The following PCDHGA1 variants were observed in gnomAD, a reference collection of about 807,000 sequenced individuals.
PCDHGA1 encodes protocadherin gamma-A1.
PCDHGA1 carries 32 observed loss-of-function variants against 58.0 expected under a neutral mutation model. The ratio of observed to expected loss-of-function variants is 0.55; its 90% CI spans 0.42 to 0.74. The LOEUF is 0.74. Ranked by LOEUF, PCDHGA1 falls within the 30% of genes least tolerant of loss-of-function variation. The pLI is 0.00. For synonymous variants in PCDHGA1, 498 were observed against 501.1 expected (o/e 0.99, Z 0.08); for missense variants, 1,205 against 1,182.3 (o/e 1.02, Z -0.28).
intron 1 of PCDHGA1, chr5:141,366,565 G>T: frequency 1.2e-6 from 2 of 1,614,252 alleles, no homozygotes; most frequent in Non-Finnish European, 1.7e-6. Context: ...GCGTGGATGG[G>T]GTTCGGGCTT....
chr5:141,407,473 G>A (rs753514459), intron 1 of PCDHGA1, among the ~76,000 whole-genome samples: 4 of 145,182 alleles, frequency 2.8e-5, no homozygotes, highest in Non-Finnish European at 4.6e-5. Context: ...ATGACTGAAT[G>A]GAGTATGGAA....
intron 1 of PCDHGA1, among the ~76,000 whole-genome samples, chr5:141,463,460 T>TTTC (rs1554144872): frequency 7.4e-6 from 1 of 136,038 alleles, no homozygotes; most frequent in South Asian, 2.5e-4. Context: ...TTTTTTTTTT[T>TTTC]TTTTTTGAGA....
intron 1 of PCDHGA1, chr5:141,383,762 T>G (rs777698869): frequency 4.3e-6 from 7 of 1,613,846 alleles, no homozygotes; most frequent in Non-Finnish European, 5.9e-6. Context: ...ACTCCTAAAC[T>G]TCCAAAGATG....
chr5:141,381,798 C>CTCTTTCTT (rs372235829), intron 1 of PCDHGA1, among the ~76,000 whole-genome samples: 5 of 144,132 alleles, frequency 3.5e-5, no homozygotes, highest in African/African-American at 8.0e-5. Context: ...AGGCAATTCC[C>CTCTTTCTT]TCTTTCTTTC....
At chr5:141,416,217 G>A (rs1224952837) in intron 1 of PCDHGA1, 1 of 152,288 alleles carries the variant, frequency 6.6e-6, no homozygotes, top group Non-Finnish European at 1.5e-5. Flanking sequence ...AACAATGTAT[G>A]CTTAGATTTT....
intron 1 of PCDHGA1, among the ~76,000 whole-genome samples, chr5:141,448,476 G>A (rs1002358317): frequency 1.3e-5 from 2 of 151,976 alleles, no homozygotes; most frequent in African/African-American, 4.8e-5. Flanking sequence ...TTCCACCCTT[G>A]CTTCCTCCTG....
At chr5:141,346,295 C>A in intron 1 of PCDHGA1, 6 of 1,614,214 alleles carry the variant, frequency 3.7e-6, no homozygotes, top group Non-Finnish European at 5.1e-6. Flanking sequence ...AGACCTATTC[C>A]CACGAGGTCT....
intron 1 of PCDHGA1, chr5:141,409,191 A>G: frequency 1.2e-6 from 2 of 1,613,970 alleles, no homozygotes; most frequent in African/African-American, 2.7e-5. Flanking sequence ...CTCTCTACCC[A>G]GTGTAAAGTA....
chr5:141,407,618 T>C (rs2094961239), intron 1 of PCDHGA1, among the ~76,000 whole-genome samples: 1 of 152,204 alleles, frequency 6.6e-6, no homozygotes, highest in South Asian at 2.1e-4. Context: ...TTGGTTGACA[T>C]TCTATATCTC....
In PCDHGA1 at chr5:141,346,554, G is replaced by A. The variant is rs773661816; in HGVS notation, c.2421+13449G>A. On this transcript the variant is annotated intron_variant, in intron 1 of 3. Coordinates refer to ENST00000517417, the MANE Select transcript of PCDHGA1 (RefSeq NM_018912.3). ...ATGTATTTGAGAAATAAAGCCATGA[G>A]GTTGTCATTAGTCCTTTGACTAAAT... is the stretch of plus-strand genomic sequence containing the variant. The A allele has an allele frequency of 5.3e-6, 8 of 1,507,182 alleles. No individual in the cohort carries two copies. In the Admixed American group the frequency reaches 8.2e-5, roughly 15 times the overall value. The allele number at this position is 1,507,182 out of a possible 1,614,324, so 93.4% of individuals were successfully genotyped here.
At chr5:141,481,560 G>A (rs1594155886) in intron 1 of PCDHGA1, among the ~76,000 whole-genome samples, 1 of 152,212 alleles carries the variant, frequency 6.6e-6, no homozygotes, top group Non-Finnish European at 1.5e-5. Flanking sequence ...GCTCACGCCT[G>A]TAATCCCAGT....
At chr5:141,376,554 C>A in intron 1 of PCDHGA1, 1 of 1,611,072 alleles carries the variant, frequency 6.2e-7, no homozygotes, top group Non-Finnish European at 8.5e-7. Flanking sequence ...GATCTTCCCG[C>A]AACCCAACTA....
rs1210499024 is a variant in PCDHGA1 at position 141,431,784 on chromosome 5, A to T, written c.2422-63023A>T. ...CTGATCACTGTTCTGGACGTGAACG[A>T]CAATGCCCCAGAAGTGGTCCTCACC... On this transcript the variant is annotated intron_variant, in intron 1 of 3. Transcript: ENST00000517417. This position sits in a 1 kb window ranked among gnomAD's most constrained non-coding sequence, Gnocchi z 4.8. The T allele has an allele frequency of 6.2e-7, 1 of 1,614,102 alleles. No homozygotes were observed. The highest frequency in any genetic ancestry group is 8.5e-7 in the Non-Finnish European group (1 of 1,180,030).
At chr5:141,421,662 G>A (rs2096591243) in intron 1 of PCDHGA1, 3 of 1,613,844 alleles carry the variant, frequency 1.9e-6, no homozygotes, top group South Asian at 1.1e-5. Context: ...AAGTCAGTGA[G>A]CACGCAATTC....
intron 1 of PCDHGA1, chr5:141,374,852 G>A (rs1770895051): frequency 5.0e-6 from 8 of 1,613,798 alleles, no homozygotes; most frequent in Non-Finnish European, 4.2e-6. Flanking sequence ...AAACCTGCCA[G>A]TAGGCACACC....
intron 1 of PCDHGA1, chr5:141,351,320 G>A (rs1172798095): frequency 6.2e-7 from 1 of 1,613,836 alleles, no homozygotes. Context: ...CCAGATTCCA[G>A]AGGATTCAGA....
chr5:141,335,954 TAGG>T (rs1219579468), intron 1 of PCDHGA1, among the ~76,000 whole-genome samples: 1 of 152,088 alleles, frequency 6.6e-6, no homozygotes, highest in Non-Finnish European at 1.5e-5. Context: ...TAAAACTAAT[TAGG>T]AGTAAGTTTA....
At position 141,476,943 on chromosome 5, in the gene PCDHGA1, A is replaced by G. The variant is rs538990482; in HGVS notation, c.2422-17864A>G. On this transcript the variant is annotated intron_variant, in intron 1 of 3. Coordinates refer to ENST00000517417, the MANE Select transcript of PCDHGA1 (RefSeq NM_018912.3). This position sits in a 1 kb window ranked among gnomAD's most constrained non-coding sequence, Gnocchi z 7.6. ...GCAACGGATCTGGATGAAGGCCCCA[A>G]CGGTGAAATTATTTACTCCTTCGGC... 14 of 1,614,170 alleles carry G rather than the reference A, an allele frequency of 8.7e-6. No individual in the cohort carries two copies. Among genetic ancestry groups the G allele is most frequent in the South Asian group, 1.1e-5 (1 of 91,086 alleles).
chr5:141,487,031 G>A lies in PCDHGA1; in HGVS notation c.2422-7776G>A, dbSNP rs749130369. 1.2e-6 allele frequency: 2 copies of A among 1,614,182 alleles called. No homozygotes were observed. Among genetic ancestry groups the A allele is most frequent in the Non-Finnish European group, 1.7e-6 (2 of 1,180,028 alleles). On this transcript the variant is annotated intron_variant, in intron 1 of 3. Coordinates refer to ENST00000517417, the MANE Select transcript of PCDHGA1 (RefSeq NM_018912.3). The surrounding 1 kb of genome is among the most constrained non-coding windows in gnomAD (Gnocchi z 5.0). ...GGAGGCCCCAGATCCCAGCCTGTTT[G>A]CAGTCTCTCGATATGCTGGGGAGGT...
Sources: allele counts gnomAD v4.1 joint callset (sites outside exome capture counted in the v4.1 genomes callset), GRCh38; gene constraint gnomAD v4.1.1; non-coding constraint Gnocchi (gnomAD v3.1); transcripts MANE v1.5; gene names NCBI Gene and HGNC (gene_info 2026-07-23, HGNC 2026-07-21).